COL4A6: variants seen among roughly 807,000 people sequenced by gnomAD.
The protein encoded by COL4A6 is collagen type IV alpha 6 chain.
In COL4A6, 59 loss-of-function variants were observed where a neutral mutation model predicts 126.7. The observed-to-expected ratio is 0.47, with a 90% CI of 0.38 to 0.58. COL4A6 has a LOEUF of 0.58. Ranked by LOEUF, COL4A6 falls within the 20% of genes least tolerant of loss-of-function variation. COL4A6 has a pLI of 0.00. For synonymous variants in COL4A6, 547 were observed against 496.6 expected (o/e 1.10, Z -1.35); for missense variants, 1,285 against 1,337.3 (o/e 0.96, Z 0.61).
At chrX:108,354,011 G>A (rs2039900212) in intron 2 of COL4A6, among the ~76,000 whole-genome samples, 1 of 111,322 alleles carries the variant, frequency 9.0e-6, no homozygotes, top group African/African-American at 3.3e-5. Context: ...AAATTAGCTG[G>A]GCATGGTGGC....
Position 108,370,823 on chromosome X carries a change from T to C in COL4A6, c.64-59995A>G, listed in dbSNP as rs182119599. Reference sequence around the variant, plus strand: ...GCGTCCAGCACATAGTATGTGTTGTTATTACTTACCAATCTCCCTTACATA... The same window carrying C: ...GCGTCCAGCACATAGTATGTGTTGTCATTACTTACCAATCTCCCTTACATA... On this transcript the variant is annotated intron_variant, in intron 2 of 44. Coordinates refer to ENST00000334504, the MANE Select transcript of COL4A6 (RefSeq NM_033641.4). Among the ~76,000 whole-genome samples, 122 of 111,361 alleles carry C rather than the reference T, an allele frequency of 1.1e-3. 1 individual carries two copies. Among genetic ancestry groups the C allele is most frequent in the Non-Finnish European group, 2.5e-4 (13 of 53,061 alleles).
chrX:108,315,673 A>G (rs2038866262), intron 2 of COL4A6, among the ~76,000 whole-genome samples: 1 of 111,384 alleles, frequency 9.0e-6, no homozygotes, highest in Non-Finnish European at 1.9e-5. Context: ...CCTTTACCAC[A>G]AACAAAACTT....
At chrX:108,181,655 T>C (rs1041350971) in intron 23 of COL4A6, among the ~76,000 whole-genome samples, 7 of 111,962 alleles carry the variant, frequency 6.3e-5, no homozygotes, top group African/African-American at 2.3e-4. Context: ...GGAGAAAAAG[T>C]AGCAATTTTA....
At chrX:108,366,017 G>A (rs913635437) in intron 2 of COL4A6, among the ~76,000 whole-genome samples, 4 of 111,705 alleles carry the variant, frequency 3.6e-5, no homozygotes, top group Non-Finnish European at 7.5e-5. Context: ...ATTCTAGAGA[G>A]GTTAGGTGGG....
chrX:108,432,608 G>T (rs1201281979), intron 2 of COL4A6, among the ~76,000 whole-genome samples: 1 of 111,570 alleles, frequency 9.0e-6, no homozygotes, highest in African/African-American at 3.3e-5. Flanking sequence ...GGCCGAGGCG[G>T]GTGGATCACC....
chrX:108,401,397 G>A (rs781233505), intron 2 of COL4A6, among the ~76,000 whole-genome samples: 1 of 110,430 alleles, frequency 9.1e-6, no homozygotes, highest in African/African-American at 3.3e-5. Context: ...ATAAAATGTG[G>A]TCATTAATAG....
intron 2 of COL4A6, among the ~76,000 whole-genome samples, chrX:108,388,608 T>G (rs1160900072): frequency 9.0e-6 from 1 of 111,672 alleles, no homozygotes; most frequent in East Asian, 2.8e-4. Context: ...TTCTCTCTTC[T>G]CTTCTTTATT....
At chrX:108,285,785 A>G (rs2037989111) in intron 3 of COL4A6, among the ~76,000 whole-genome samples, 1 of 112,128 alleles carries the variant, frequency 8.9e-6, no homozygotes, top group Non-Finnish European at 1.9e-5. Context: ...TAATATACCC[A>G]GAAACACTGA....
chrX:108,168,672 T>G (rs1297736945), intron 37 of COL4A6, among the ~76,000 whole-genome samples: 3 of 112,156 alleles, frequency 2.7e-5, no homozygotes. Context: ...ATAATGTTCA[T>G]TTTATGGAAA....
rs764099599 is a variant in COL4A6, at chrX:108,325,236, G to A, written c.64-14408C>T. On this transcript the variant is annotated intron_variant, in intron 2 of 44. Transcript: ENST00000334504. Reference sequence around the variant, plus strand: ...TAATCAAAGCCATAGGCGAAGGAGCGGTCCAGTATTTTTGTCTCTAATTCC... The same window carrying A: ...TAATCAAAGCCATAGGCGAAGGAGCAGTCCAGTATTTTTGTCTCTAATTCC... Among the ~76,000 whole-genome samples, 106 of 111,959 alleles carry A rather than the reference G, an allele frequency of 9.5e-4. 1 individual carries two copies. The highest frequency in any genetic ancestry group is 3.4e-3 in the African/African-American group (104 of 30,899).
chrX:108,160,418 T>C (rs1480592129), intron 43 of COL4A6, 45 bp downstream of exon 43: 1 of 1,139,308 alleles, frequency 8.8e-7, no homozygotes, highest in Non-Finnish European at 1.2e-6. Context: ...TGTTGGTGTT[T>C]GTGGGGACAG....
intron 2 of COL4A6, among the ~76,000 whole-genome samples, chrX:108,366,539 C>A (rs1181207680): frequency 8.9e-6 from 1 of 112,064 alleles, no homozygotes; most frequent in Non-Finnish European, 1.9e-5. Context: ...TCTATTTAGT[C>A]ATTGAGGGGT....
intron 2 of COL4A6, among the ~76,000 whole-genome samples, chrX:108,421,894 T>C (rs1252735729): frequency 2.7e-5 from 3 of 112,315 alleles, no homozygotes; most frequent in Non-Finnish European, 5.6e-5. Context: ...ATATATGTGT[T>C]CATTATGTTA....
intron 23 of COL4A6, among the ~76,000 whole-genome samples, chrX:108,182,876 T>C (rs2034729541): frequency 8.9e-6 from 1 of 112,923 alleles, no homozygotes; most frequent in Non-Finnish European, 1.9e-5. Flanking sequence ...ACTGATTTAA[T>C]TGCTTCTTTT....
At position 108,172,511 on chromosome X, in the gene COL4A6, A is replaced by C. The variant is rs762820667; in HGVS notation, c.3160T>G (p.Ser1054Ala). ...GESGSQGIRG[S>A]PGLPGASGLP... ...CCAGATGCTCCTGGGAGTCCAGGCGACCCTCTGATACCTTGTGAACCCTTC... is the reference window on the plus strand; with the variant it reads ...CCAGATGCTCCTGGGAGTCCAGGCGCCCCTCTGATACCTTGTGAACCCTTC... Residue 1054 changes from serine to alanine, a missense_variant, in exon 32 of 45, where the codon TCG becomes GCG. Coordinates refer to ENST00000334504, the MANE Select transcript of COL4A6 (RefSeq NM_033641.4). 2 of 1,204,910 alleles carry C rather than the reference A, an allele frequency of 1.7e-6. No homozygotes were observed. Among genetic ancestry groups the C allele is most frequent in the Non-Finnish European group, 2.2e-6 (2 of 891,964 alleles).
chrX:108,361,160 A>AT (rs1478274547), intron 2 of COL4A6, among the ~76,000 whole-genome samples: 2 of 111,084 alleles, frequency 1.8e-5, no homozygotes, highest in Non-Finnish European at 3.8e-5. Context: ...GTTTTCAAGG[A>AT]TTTTTTTCCC....
intron 33 of COL4A6, 100 bp from the exon 34 acceptor site, chrX:108,171,017 C>A: frequency 1.3e-6 from 1 of 744,629 alleles, no homozygotes; most frequent in Non-Finnish European, 2.0e-6. Flanking sequence ...GGAGCTAGAC[C>A]CAATGAAGAA....
intron 3 of COL4A6, among the ~76,000 whole-genome samples, chrX:108,292,695 C>A (rs1465650742): frequency 1.8e-5 from 2 of 110,379 alleles, no homozygotes; most frequent in Non-Finnish European, 3.8e-5. Flanking sequence ...AGAAATAAAA[C>A]CCTGAAAAAT....
intron 3 of COL4A6, among the ~76,000 whole-genome samples, chrX:108,286,310 T>C (rs976170616): frequency 5.3e-5 from 6 of 112,270 alleles, no homozygotes; most frequent in African/African-American, 1.9e-4. Flanking sequence ...ATTCAAGTTA[T>C]TTTTAAGCCA....
Sources: allele counts gnomAD v4.1 joint callset (sites outside exome capture counted in the v4.1 genomes callset), GRCh38; gene constraint gnomAD v4.1.1; transcripts MANE v1.5; gene names NCBI Gene and HGNC (gene_info 2026-07-23, HGNC 2026-07-21).